UTRN: variants seen among roughly 807,000 people sequenced by gnomAD.
UTRN encodes dystrophin-related protein 1.
Under a neutral mutation model 463.9 loss-of-function variants are expected in UTRN, and 283 were observed. The ratio of observed to expected loss-of-function variants is 0.61; its 90% CI spans 0.55 to 0.67. UTRN has a LOEUF of 0.67. Ranked by LOEUF, UTRN falls within the 30% of genes least tolerant of loss-of-function variation. The pLI is 0.00. For missense variants in UTRN, 3,922 were observed against 4,084.3 expected (o/e 0.96, Z 1.08); for synonymous variants, 1,442 against 1,431.5 (o/e 1.01, Z -0.17).
chr6:144,397,376 T>G (rs1296452547), intron 2 of UTRN, among the ~76,000 whole-genome samples: 1 of 152,162 alleles, frequency 6.6e-6, no homozygotes, highest in Admixed American at 6.5e-5. Context: ...GATGGGTCAT[T>G]GGGTCATGCT....
At chr6:144,696,609 A>G (rs1162057229) in intron 52 of UTRN, among the ~76,000 whole-genome samples, 1 of 152,152 alleles carries the variant, frequency 6.6e-6, no homozygotes, top group Non-Finnish European at 1.5e-5. Flanking sequence ...GGACTAATAA[A>G]GGTATTTTCT....
At chr6:144,661,624 A>G (rs1332759592) in intron 51 of UTRN, among the ~76,000 whole-genome samples, 1 of 152,170 alleles carries the variant, frequency 6.6e-6, no homozygotes, top group East Asian at 1.9e-4. Context: ...CTTTATGACC[A>G]TAAAGAGGTC....
chr6:144,408,633 T>C (rs1356397274), intron 3 of UTRN, among the ~76,000 whole-genome samples: 6 of 152,210 alleles, frequency 3.9e-5, no homozygotes, highest in Admixed American at 3.9e-4. Context: ...GAAATTCAAA[T>C]TGACAGAACG....
chr6:144,311,206 C>T (rs996063381), intron 2 of UTRN, among the ~76,000 whole-genome samples: 4 of 152,216 alleles, frequency 2.6e-5, no homozygotes, highest in African/African-American at 9.6e-5. Context: ...GCGAATACTT[C>T]ACTTGGTTAT....
chr6:144,371,612 T>C (rs1203495666), intron 2 of UTRN, among the ~76,000 whole-genome samples: 2 of 152,206 alleles, frequency 1.3e-5, no homozygotes, highest in African/African-American at 4.8e-5. Flanking sequence ...GGTTTCTCCA[T>C]GTTGAGGCTG....
chr6:144,818,108 G>C lies in UTRN; in HGVS notation c.9358-2774G>C, dbSNP rs531802876. Among the ~76,000 whole-genome samples, 11 of 152,236 alleles carry C rather than the reference G, an allele frequency of 7.2e-5. No individual in the cohort carries two copies. The South Asian group carries it at 2.1e-3, about 29-fold the overall frequency. ...TTTGTCATTTTTTTCACAAGCAAGAGTTCATGTTGGAACTCAAATATAGAT... is the reference window on the plus strand; with the variant it reads ...TTTGTCATTTTTTTCACAAGCAAGACTTCATGTTGGAACTCAAATATAGAT... On this transcript the variant is annotated intron_variant, in intron 65 of 74. Transcript: ENST00000367545.
chr6:144,333,523 TA>T (rs944577902), intron 2 of UTRN, among the ~76,000 whole-genome samples: 2 of 151,998 alleles, frequency 1.3e-5, no homozygotes, highest in African/African-American at 4.8e-5. Context: ...TAATGCCAGG[TA>T]AAAAAAATGT....
In UTRN at chr6:144,431,412, C is replaced by T. The variant is rs574882591; in HGVS notation, c.855+1671C>T. Among the ~76,000 whole-genome samples the T allele has an allele frequency of 2.0e-3, 302 of 152,292 alleles. 2 individuals are homozygous for T. Among genetic ancestry groups the T allele is most frequent in the Middle Eastern group, 6.8e-3 (2 of 294 alleles). On this transcript the variant is annotated intron_variant, in intron 9 of 74. Coordinates refer to ENST00000367545, the MANE Select transcript of UTRN (RefSeq NM_007124.3). ...CATTAGTGTCTTAGAGGCTGAATTA[C>T]GTTAATTGAAAACTAAAATGTGATC...
chr6:144,589,146 A>G (rs1009199618), intron 51 of UTRN, among the ~76,000 whole-genome samples: 1 of 152,214 alleles, frequency 6.6e-6, no homozygotes, highest in Non-Finnish European at 1.5e-5. Flanking sequence ...AAAAACATCA[A>G]ATGGAAGAAG....
intron 51 of UTRN, among the ~76,000 whole-genome samples, chr6:144,609,222 G>C (rs1805212612): frequency 6.6e-6 from 1 of 152,132 alleles, no homozygotes; most frequent in Admixed American, 6.6e-5. Flanking sequence ...TAATAAGCAT[G>C]TACATAGAAA....
intron 2 of UTRN, among the ~76,000 whole-genome samples, chr6:144,295,159 A>T (rs906364291): frequency 3.3e-5 from 5 of 152,216 alleles, no homozygotes; most frequent in African/African-American, 1.2e-4. Flanking sequence ...TAAAAAGTGA[A>T]ATTTATTGCC....
At chr6:144,601,886 T>C (rs1436441149) in intron 51 of UTRN, among the ~76,000 whole-genome samples, 1 of 152,098 alleles carries the variant, frequency 6.6e-6, no homozygotes, top group Non-Finnish European at 1.5e-5. Context: ...TGAGCAACCA[T>C]CAAATCAGGG....
chr6:144,577,342 TC>T, intron 51 of UTRN, 54 bp downstream of exon 51: 1 of 1,566,296 alleles, frequency 6.4e-7, no homozygotes, highest in Non-Finnish European at 8.7e-7. Context: ...GTGCTTTTGA[TC>T]CCTCTGCATG....
chr6:144,439,019 T>G (rs926816345), intron 12 of UTRN, 124 bp downstream of exon 12: 2 of 1,040,638 alleles, frequency 1.9e-6, no homozygotes, highest in African/African-American at 1.6e-5. Context: ...GTTGTCTTCA[T>G]TTAGCAGCTC....
At chr6:144,807,955 CTT>C (rs370727570) in intron 65 of UTRN, among the ~76,000 whole-genome samples, 8 of 152,176 alleles carry the variant, frequency 5.3e-5, no homozygotes, top group South Asian at 2.1e-4. Context: ...GATCATCTAA[CTT>C]ATCTTTATTT....
At chr6:144,372,250 G>T (rs1780055435) in intron 2 of UTRN, among the ~76,000 whole-genome samples, 2 of 152,192 alleles carry the variant, frequency 1.3e-5, no homozygotes. Context: ...ATGTCCTATG[G>T]ATGCCTGGGG....
intron 34 of UTRN, among the ~76,000 whole-genome samples, chr6:144,507,487 C>G (rs930168612): frequency 6.6e-6 from 1 of 152,060 alleles, no homozygotes; most frequent in Non-Finnish European, 1.5e-5. Flanking sequence ...AATGTTGTTG[C>G]TTTTTGTTTG....
intron 12 of UTRN, among the ~76,000 whole-genome samples, chr6:144,439,136 A>T (rs188720430): frequency 6.6e-6 from 1 of 152,334 alleles, no homozygotes; most frequent in Non-Finnish European, 1.5e-5. Context: ...CATAGCTTTC[A>T]TACAACTGGA....
At chr6:144,360,687 C>A (rs1190339398) in intron 2 of UTRN, among the ~76,000 whole-genome samples, 1 of 152,214 alleles carries the variant, frequency 6.6e-6, no homozygotes, top group Non-Finnish European at 1.5e-5. Context: ...GTGACTGCTG[C>A]TGTAGTATAA....
Sources: allele counts gnomAD v4.1 joint callset (sites outside exome capture counted in the v4.1 genomes callset), GRCh38; gene constraint gnomAD v4.1.1; transcripts MANE v1.5; gene names NCBI Gene and HGNC (gene_info 2026-07-23, HGNC 2026-07-21).